Variants in CDCA7L observed in about 807,000 individuals in gnomAD.
CDCA7L encodes cell division cycle-associated 7-like protein.
CDCA7L carries 44 observed loss-of-function variants against 57.4 expected under a neutral mutation model. The observed-to-expected ratio is 0.77, with a 90% CI of 0.60 to 0.98. The LOEUF (loss-of-function observed/expected upper bound fraction) is 0.98. CDCA7L is among the 50% of genes least tolerant of loss of function. CDCA7L has a pLI of 0.00. For missense variants in CDCA7L, 644 were observed against 580.6 expected, an observed-to-expected ratio of 1.11 and a Z score of -1.12; for synonymous variants, 236 against 202.8, an observed-to-expected ratio of 1.16 and a Z score of -1.39.
chr7:21,910,225 C>T (rs1785273016), intron 3 of CDCA7L, among the ~76,000 whole-genome samples: 1 of 152,194 alleles, frequency 6.6e-6, no homozygotes. Flanking sequence ...ACTGATGATG[C>T]CCATTAGGGT....
rs745692053 is a variant in CDCA7L, at chr7:21,904,238, G to A, written c.1069C>T (p.Arg357Ter). Residue 357 changes from arginine (R) to a stop codon, truncating the protein, a stop_gained, in exon 8 of 10, where the codon CGA becomes TGA. Coordinates refer to ENST00000406877, the MANE Select transcript of CDCA7L (RefSeq NM_018719.5). LOFTEE classifies it high-confidence loss of function. ...KVLGNTCHQC[R>*]QKTIDTKTVC... Reference sequence around the variant, plus strand: ...GTCTTGGTGTCGATGGTCTTTTGTCGACACTGATGGCACGTGTTACCCTAC... The same window carrying A: ...GTCTTGGTGTCGATGGTCTTTTGTCAACACTGATGGCACGTGTTACCCTAC... The A allele has an allele frequency of 5.0e-6, 8 of 1,609,832 alleles. No individual in the cohort carries two copies. Among genetic ancestry groups the A allele is most frequent in the Non-Finnish European group, 6.8e-6 (8 of 1,177,968 alleles).
At chr7:21,929,513 A>T (rs1267152826) in intron 1 of CDCA7L, among the ~76,000 whole-genome samples, 8 of 151,870 alleles carry the variant, frequency 5.3e-5, no homozygotes, top group Admixed American at 5.3e-4. Context: ...AGACCGGCAA[A>T]TTGGATAAAG....
At chr7:21,914,722 G>A (rs1490038330) in intron 2 of CDCA7L, among the ~76,000 whole-genome samples, 2 of 152,188 alleles carry the variant, frequency 1.3e-5, no homozygotes, top group East Asian at 1.9e-4. Context: ...CAGATGTGGG[G>A]CCTTGGGCAA....
intron 9 of CDCA7L, 40 bp from the exon 10 acceptor site, chr7:21,902,392 A>AT: frequency 1.3e-6 from 2 of 1,586,976 alleles, no homozygotes. Context: ...AGTAGTACAA[A>AT]TACACAAATG....
chr7:21,945,268 C>T (rs780774673), intron 1 of CDCA7L, among the ~76,000 whole-genome samples: 17 of 152,118 alleles, frequency 1.1e-4, no homozygotes, highest in Admixed American at 6.5e-4. Context: ...TTACTAATTC[C>T]TTGAAAACGT....
chr7:21,901,135 T>G lies in CDCA7L; in HGVS notation c.*1187A>C, dbSNP rs1420795037. 6.2e-7 allele frequency: 1 copy of G among 1,613,178 alleles called. No homozygotes were observed. Among genetic ancestry groups the G allele is most frequent in the East Asian group, 2.2e-5 (1 of 44,866 alleles). On this transcript the variant is annotated 3_prime_UTR_variant, in exon 10 of 10. Transcript: ENST00000406877. Reference sequence around the variant, plus strand: ...ACAAGAAACCAAACAGACCTACGAGTGCCCTGTGTATAGAACCAAACTGAG... The same window carrying G: ...ACAAGAAACCAAACAGACCTACGAGGGCCCTGTGTATAGAACCAAACTGAG...
intron 9 of CDCA7L, chr7:21,902,725 C>CACCTCAAGGAGAAATTTTGGTTA (rs2128055622): frequency 4.0e-6 from 2 of 501,110 alleles, no homozygotes; most frequent in South Asian, 5.7e-5. Context: ...TTCTGTCATA[C>CACCTCAAGGAGAAATTTTGGTTA]ACCTCAAGGA....
Position 21,908,433 on chromosome 7 carries a change from A to C in CDCA7L, c.378T>G (p.Asp126Glu). 6.3e-7 allele frequency: 1 copy of C among 1,579,666 alleles called. No homozygotes were observed. ...ACCTGCTTCTTCTAGGGGTAGCCTT[A>C]TCTTCTTCTTCATCTTCCTCTTCCT... Reference protein sequence around the residue: ...VSEEEEDEEEDKATPRRSRSR... With the variant: ...VSEEEEDEEEEKATPRRSRSR... The change falls in exon 4 of 10, where the codon GAT (aspartate) becomes GAG (glutamate). Residue 126 changes from aspartate (D) to glutamate (E), a missense_variant. Coordinates refer to ENST00000406877, the MANE Select transcript of CDCA7L (RefSeq NM_018719.5).
Position 21,902,308 on chromosome 7 carries a change from TGTTTGTTTTCCTCTTAA to T in CDCA7L, c.1362_*13del. The T allele has an allele frequency of 2.5e-6, 4 of 1,613,446 alleles. No individual in the cohort carries two copies. The highest frequency in any genetic ancestry group is 3.4e-6 in the Non-Finnish European group (4 of 1,179,524). ...TACTCTATGGTGAGGTGGCTGGTTC[TGTTTGTTTTCCTCTTAA>T]TTGTCTTCTACCAGCTCCTTTTGTA... On this transcript the variant is annotated stop_lost and 3_prime_UTR_variant, in exon 10 of 10. Coordinates refer to ENST00000406877, the MANE Select transcript of CDCA7L (RefSeq NM_018719.5).
chr7:21,926,462 A>G (rs774211842), intron 1 of CDCA7L, among the ~76,000 whole-genome samples: 1 of 152,226 alleles, frequency 6.6e-6, no homozygotes, highest in Non-Finnish European at 1.5e-5. Context: ...GCAAACAACC[A>G]ATCAAAAAAT....
intron 1 of CDCA7L, among the ~76,000 whole-genome samples, chr7:21,920,284 A>G (rs1375687564): frequency 6.6e-6 from 1 of 152,232 alleles, no homozygotes; most frequent in African/African-American, 2.4e-5. Context: ...CCACTGCACT[A>G]GCATATACAG....
In CDCA7L at chr7:21,902,739, A is replaced by G. The variant is rs367743746; in HGVS notation, c.1334+239T>C. The G allele has an allele frequency of 6.3e-4, 319 of 509,172 alleles. 1 individual carries two copies. Among genetic ancestry groups the G allele is most frequent in the Middle Eastern group, 4.2e-3 (8 of 1,910 alleles). 31.5% of individuals were successfully genotyped at this position (509,172 alleles called of 1,614,324 possible). On this transcript the variant is annotated intron_variant, in intron 9 of 9. Transcript: ENST00000406877. Reference sequence around the variant, plus strand: ...TTTCTGTCATACACCTCAAGGAGAAATTTTGGTTAAAGGCAACGTGGAGTT... The same window carrying G: ...TTTCTGTCATACACCTCAAGGAGAAGTTTTGGTTAAAGGCAACGTGGAGTT...
rs1364964545 is a variant in CDCA7L at position 21,908,240 on chromosome 7, G to C, written c.571C>G (p.Gln191Glu). ...GACTCAGAGGTAGAATCTTCCCTTT[G>C]TATCACCTGTCTACAGTCTTTCTTT... Reference protein sequence around the residue: ...ERKKDCRQVIQREDSTSESED... With the variant: ...ERKKDCRQVIEREDSTSESED... The change falls in exon 4 of 10, where the codon CAA becomes GAA. Residue 191 changes from glutamine to glutamate, a missense_variant. Coordinates refer to ENST00000406877, the MANE Select transcript of CDCA7L (RefSeq NM_018719.5). 1 of 1,613,510 alleles carries C rather than the reference G, an allele frequency of 6.2e-7. No homozygotes were observed. The highest frequency in any genetic ancestry group is 8.5e-7 in the Non-Finnish European group (1 of 1,179,950).
chr7:21,933,399 C>A lies in CDCA7L; in HGVS notation c.24+12382G>T, dbSNP rs192052912. On this transcript the variant is annotated intron_variant, in intron 1 of 9. Coordinates refer to ENST00000406877, the MANE Select transcript of CDCA7L (RefSeq NM_018719.5). ...ACGATAGCAAAGACTTGGAACCAAC[C>A]CAAATGCCCATCAATGATAGACTGG... is the stretch of plus-strand genomic sequence containing the variant. Among the ~76,000 whole-genome samples the A allele has an allele frequency of 5.9e-5, 9 of 152,228 alleles. No individual in the cohort carries two copies. The East Asian group carries it at 1.7e-3, about 29-fold the overall frequency.
Position 21,902,619 on chromosome 7 carries a change from CTT to C in CDCA7L, c.1335-269_1335-268del. The C allele has an allele frequency of 7.4e-6, 4 of 542,604 alleles. No homozygotes were observed. In the South Asian group the frequency reaches 9.1e-5, roughly 12 times the overall value. The allele number at this position is 542,604 out of a possible 1,614,324, so 33.6% of individuals were successfully genotyped here. A position where few individuals can be genotyped will look rare whatever the true frequency, so the allele number is the denominator to read the frequency against. Reference sequence around the variant, plus strand: ...AAACTTGTAACTCACATTCTGTCCTCTTGCCCTGAACTCTCTCTCTGCACTAG... The same window carrying C: ...AAACTTGTAACTCACATTCTGTCCTCGCCCTGAACTCTCTCTCTGCACTAG... On this transcript the variant is annotated intron_variant, in intron 9 of 9. Transcript: ENST00000406877.
intron 1 of CDCA7L, among the ~76,000 whole-genome samples, chr7:21,929,457 A>C (rs1011723355): frequency 1.3e-5 from 2 of 152,100 alleles, no homozygotes; most frequent in Non-Finnish European, 2.9e-5. Context: ...ACATAACAAT[A>C]TTAATCTTAA....
At chr7:21,936,089 T>C (rs1034908813) in intron 1 of CDCA7L, among the ~76,000 whole-genome samples, 4 of 152,136 alleles carry the variant, frequency 2.6e-5, no homozygotes, top group African/African-American at 9.7e-5. Flanking sequence ...TATCTAGATA[T>C]AATGGATAAA....
intron 3 of CDCA7L, among the ~76,000 whole-genome samples, chr7:21,909,104 G>A (rs1299641689): frequency 6.6e-5 from 10 of 152,194 alleles, no homozygotes; most frequent in Admixed American, 6.5e-4. Context: ...AAGCTCTACA[G>A]GTTGTAGCAA....
intron 4 of CDCA7L, among the ~76,000 whole-genome samples, chr7:21,906,896 G>C (rs1785159544): frequency 1.3e-5 from 2 of 152,142 alleles, no homozygotes. Flanking sequence ...TATGAAAACA[G>C]TCCTGGAATG....
Sources: allele counts gnomAD v4.1 joint callset (sites outside exome capture counted in the v4.1 genomes callset), GRCh38; gene constraint gnomAD v4.1.1; transcripts MANE v1.5; gene names NCBI Gene and HGNC (gene_info 2026-07-23, HGNC 2026-07-21).